Variants in RASA2 observed in about 807,000 individuals in gnomAD.
The protein encoded by RASA2 is ras GTPase-activating protein 2.
Under a neutral mutation model 118.2 loss-of-function variants are expected in RASA2, and 155 were observed. The ratio of observed to expected loss-of-function variants is 1.31; its 90% CI spans 1.15 to 1.50. RASA2 has a LOEUF of 1.50. Ranked by LOEUF, RASA2 falls within the 40% of genes most tolerant of loss-of-function variation. The pLI, the probability that RASA2 is intolerant of heterozygous loss-of-function variation, is 0.00. For synonymous variants in RASA2, 353 were observed against 349.1 expected, an observed-to-expected ratio of 1.01 and a Z score of -0.12; for missense variants, 1,016 against 1,009.6, an observed-to-expected ratio of 1.01 and a Z score of -0.09.
At chr3:141,580,085 A>AAATATATATATATATAT (rs1553797703) in intron 15 of RASA2, among the ~76,000 whole-genome samples, 1 of 59,616 alleles carries the variant, frequency 1.7e-5, no homozygotes, top group African/African-American at 6.8e-5. Flanking sequence ...AAAAAAAAAA[A>AAATATATATATATATAT]ATATATATAT....
At chr3:141,496,212 A>T (rs187098480) in intron 1 of RASA2, among the ~76,000 whole-genome samples, 1,640 of 152,262 alleles carry the variant, frequency 0.011, 18 homozygotes, top group Non-Finnish European at 0.017. Flanking sequence ...AACCGTAAAA[A>T]CCCTAGAAGA....
chr3:141,600,679 C>G (rs1040743463), intron 19 of RASA2: 1 of 155,886 alleles, frequency 6.4e-6, no homozygotes, highest in African/African-American at 2.4e-5. Flanking sequence ...CAACTAGAGT[C>G]CCACCACTTT....
intron 9 of RASA2, among the ~76,000 whole-genome samples, chr3:141,562,590 C>G (rs1414188183): frequency 6.6e-6 from 1 of 150,626 alleles, no homozygotes; most frequent in African/African-American, 2.4e-5. Flanking sequence ...CCACTGCACT[C>G]CAGCCTGGGA....
At chr3:141,568,200 G>A (rs989622242) in intron 9 of RASA2, among the ~76,000 whole-genome samples, 9 of 151,876 alleles carry the variant, frequency 5.9e-5, no homozygotes, top group African/African-American at 9.7e-5. Flanking sequence ...TTATGTACCC[G>A]TTAAAAAGAA....
chr3:141,537,487 G>A (rs1011906920), intron 4 of RASA2, among the ~76,000 whole-genome samples: 2 of 152,030 alleles, frequency 1.3e-5, no homozygotes, highest in East Asian at 3.9e-4. Flanking sequence ...AGCTATTTTA[G>A]GCTGGATGCA....
At chr3:141,554,070 A>G (rs2082612764) in intron 6 of RASA2, 130 bp downstream of exon 6, 1 of 1,401,798 alleles carries the variant, frequency 7.1e-7, no homozygotes, top group African/African-American at 1.5e-5. Context: ...TTTGAAAGAA[A>G]AATCTTTAGT....
chr3:141,572,760 C>G (rs1420471453), intron 12 of RASA2, 37 bp downstream of exon 12: 3 of 1,423,494 alleles, frequency 2.1e-6, no homozygotes, highest in East Asian at 4.6e-5. Context: ...AGTTTGTGGC[C>G]TTATGATAGT....
At chr3:141,586,495 A>C in intron 18 of RASA2, 151 bp from the exon 19 acceptor site, 1 of 526,860 alleles carries the variant, frequency 1.9e-6, no homozygotes, top group Non-Finnish European at 3.3e-6. Context: ...GGCCAAAATA[A>C]ATGCAACAGT....
intron 5 of RASA2, 145 bp from the exon 6 acceptor site, chr3:141,553,712 C>T: frequency 7.7e-7 from 1 of 1,294,746 alleles, no homozygotes; most frequent in Non-Finnish European, 1.0e-6. Flanking sequence ...CTACCTATTC[C>T]ATATAGGTAG....
chr3:141,547,267 T>C (rs1262085936), intron 5 of RASA2, among the ~76,000 whole-genome samples: 2 of 152,166 alleles, frequency 1.3e-5, no homozygotes, highest in African/African-American at 2.4e-5. Context: ...AGGGATTGCA[T>C]TGAATCTGTA....
intron 11 of RASA2, 130 bp from the exon 12 acceptor site, chr3:141,572,479 C>A: frequency 1.6e-6 from 1 of 608,712 alleles, no homozygotes. Flanking sequence ...AATTGTAGGT[C>A]ACTTATGCCT....
intron 3 of RASA2, among the ~76,000 whole-genome samples, chr3:141,528,845 A>G (rs2082219143): frequency 6.6e-6 from 1 of 152,072 alleles, no homozygotes; most frequent in Non-Finnish European, 1.5e-5. Flanking sequence ...ATTAGGGCGT[A>G]TAAAATGAAA....
At chr3:141,558,751 T>C in intron 7 of RASA2, 135 bp from the exon 8 acceptor site, 2 of 694,172 alleles carry the variant, frequency 2.9e-6, no homozygotes, top group Non-Finnish European at 4.9e-6. Flanking sequence ...TATATTCAGC[T>C]ATTGAGTAAA....
chr3:141,558,859 AT>A (rs1342680599), intron 7 of RASA2, 26 bp from the exon 8 acceptor site: 24 of 1,517,342 alleles, frequency 1.6e-5, no homozygotes, highest in Non-Finnish European at 2.1e-5. Context: ...TTTAAAAAAA[AT>A]TTTTACTAAA....
At chr3:141,514,014 T>G (rs2081989478) in intron 2 of RASA2, among the ~76,000 whole-genome samples, 1 of 152,194 alleles carries the variant, frequency 6.6e-6, no homozygotes. Context: ...TGGGCAAAGA[T>G]TTCTTGCTTT....
chr3:141,562,352 G>A (rs1251160228), intron 9 of RASA2, among the ~76,000 whole-genome samples: 27 of 149,378 alleles, frequency 1.8e-4, no homozygotes, highest in South Asian at 1.3e-3. Context: ...GGCCTGGCAC[G>A]GTGGCTCAAG....
intron 4 of RASA2, among the ~76,000 whole-genome samples, chr3:141,530,377 GTGTGTTTAGCCATGTAGC>G (rs1436716721): frequency 1.3e-5 from 2 of 152,158 alleles, no homozygotes; most frequent in African/African-American, 4.8e-5. Flanking sequence ...GAGTAAAGAT[GTGTGTTTAGCCATGTAGC>G]TGAAGTTTCT....
chr3:141,536,904 C>T (rs1329976412), intron 4 of RASA2, among the ~76,000 whole-genome samples: 5 of 151,956 alleles, frequency 3.3e-5, no homozygotes, highest in Admixed American at 6.6e-5. Context: ...TGCGCTGCCA[C>T]ACCCGGCTAA....
intron 5 of RASA2, among the ~76,000 whole-genome samples, chr3:141,547,363 T>G (rs891388833): frequency 6.6e-6 from 1 of 152,228 alleles, no homozygotes; most frequent in Non-Finnish European, 1.5e-5. Context: ...TTGAGTGTCC[T>G]CTTCAATTTC....
Sources: allele counts gnomAD v4.1 joint callset (sites outside exome capture counted in the v4.1 genomes callset), GRCh38; gene constraint gnomAD v4.1.1; transcripts MANE v1.5; gene names NCBI Gene and HGNC (gene_info 2026-07-23, HGNC 2026-07-21).